Variants in ABR observed in about 807,000 individuals in gnomAD.
ABR encodes active breakpoint cluster region-related protein.
ABR carries 35 observed loss-of-function variants against 107.2 expected under a neutral mutation model. The ratio of observed to expected loss-of-function variants is 0.33; its 90% CI spans 0.25 to 0.43. The LOEUF is 0.43. Among genes scored for constraint, ABR ranks in the 20% least tolerant of loss-of-function variants. The pLI is 1.00. For synonymous variants in ABR, 498 were observed against 462.0 expected, an observed-to-expected ratio of 1.08 and a Z score of -1.00; for missense variants, 815 against 1,115.2, an observed-to-expected ratio of 0.73 and a Z score of 3.83.
rs1307394986 is a variant in ABR at position 1,154,732 on chromosome 17, TCCGGCGCCTA to T, written c.61+24925_61+24934del. The stretch of plus-strand genomic sequence containing the variant: ...CTTGGCAATGCCGTGTCCTCAGGGC[TCCGGCGCCTA>T]CCCATGGATGTAGTGCTCGCCCTCC... On this transcript the variant is annotated intron_variant, in intron 1 of 22. Coordinates refer to ENST00000302538, the MANE Select transcript of ABR (RefSeq NM_021962.5). The surrounding 1 kb of genome is among the most constrained non-coding windows in gnomAD (Gnocchi z 4.0). 2 of 150,272 alleles carry T rather than the reference TCCGGCGCCTA, an allele frequency of 1.3e-5. No homozygotes were observed. Among genetic ancestry groups the T allele is most frequent in the African/African-American group, 4.9e-5 (2 of 40,876 alleles). The allele number at this position is 150,272 out of a possible 1,614,324, so 9.3% of individuals were successfully genotyped here.
chr17:1,055,951 G>T, intron 14 of ABR, 84 bp downstream of exon 14: 1 of 1,319,526 alleles, frequency 7.6e-7, no homozygotes, highest in Non-Finnish European at 1.1e-6. Flanking sequence ...ATGTCTAAAG[G>T]CGTGCTGGCA....
At chr17:1,008,978 G>GC (rs1372535218) in intron 21 of ABR, among the ~76,000 whole-genome samples, 1 of 152,184 alleles carries the variant, frequency 6.6e-6, no homozygotes, top group Non-Finnish European at 1.5e-5. Flanking sequence ...ACTAACCCAA[G>GC]CAAGTCTCCG....
chr17:1,040,992 C>A (rs2030332486), intron 16 of ABR, among the ~76,000 whole-genome samples: 1 of 152,200 alleles, frequency 6.6e-6, no homozygotes, highest in Non-Finnish European at 1.5e-5. Context: ...CGGCTCACCG[C>A]AACCTCCACC....
At chr17:1,096,439 G>C (rs1056104154) in intron 3 of ABR, among the ~76,000 whole-genome samples, 1 of 152,224 alleles carries the variant, frequency 6.6e-6, no homozygotes, top group Admixed American at 6.5e-5. Flanking sequence ...AGAAGGTTTA[G>C]CTTCCTCCTA....
intron 2 of ABR, among the ~76,000 whole-genome samples, chr17:1,101,734 C>CTTTTT (rs796580737): frequency 4.3e-5 from 6 of 140,848 alleles, no homozygotes; most frequent in African/African-American, 1.6e-4. Context: ...TTTATTTTTT[C>CTTTTT]TTTTTTTTTT....
chr17:1,137,835 T>G (rs1329609391), intron 1 of ABR, among the ~76,000 whole-genome samples: 1 of 152,052 alleles, frequency 6.6e-6, no homozygotes, highest in Non-Finnish European at 1.5e-5. Flanking sequence ...GAGGTATGCC[T>G]GCACCGCAGG....
intron 4 of ABR, among the ~76,000 whole-genome samples, chr17:1,088,763 A>G (rs1405535856): frequency 6.6e-6 from 1 of 150,562 alleles, no homozygotes; most frequent in Non-Finnish European, 1.5e-5. Flanking sequence ...TAATTTTTGT[A>G]TTTTTAGTAG....
intron 2 of ABR, among the ~76,000 whole-genome samples, chr17:1,109,978 C>G (rs1033185345): frequency 8.1e-5 from 11 of 135,962 alleles, no homozygotes; most frequent in African/African-American, 3.0e-4. Context: ...CTGCAGAGAC[C>G]AGGACCCCCA....
chr17:1,085,022 A>C (rs2036500527), intron 4 of ABR, among the ~76,000 whole-genome samples: 1 of 150,988 alleles, frequency 6.6e-6, no homozygotes, highest in Non-Finnish European at 1.5e-5. Context: ...GGCTGGTCTC[A>C]AACTCCCAAC....
At chr17:1,105,462 C>T (rs199534958) in intron 2 of ABR, among the ~76,000 whole-genome samples, 2 of 151,950 alleles carry the variant, frequency 1.3e-5, no homozygotes, top group Non-Finnish European at 2.9e-5. Context: ...CAAATCACCA[C>T]GTGGGGCCCG....
At position 1,018,143 on chromosome 17, in the gene ABR, C is replaced by T. The variant is rs371632312; in HGVS notation, c.1792-4979G>A. ...CTGCAAGCTCCGCCTCCCGGGTTCA[C>T]GCCATTCTCCTGCCTCAGCCTCCTG... On this transcript the variant is annotated intron_variant, in intron 16 of 22. Coordinates refer to ENST00000302538, the MANE Select transcript of ABR (RefSeq NM_021962.5). Among the ~76,000 whole-genome samples, 46 of 152,072 alleles carry T rather than the reference C, an allele frequency of 3.0e-4. No individual in the cohort carries two copies. In the South Asian group the frequency reaches 7.1e-3, roughly 23 times the overall value.
intron 2 of ABR, among the ~76,000 whole-genome samples, chr17:1,114,372 A>G (rs2038884275): frequency 6.6e-6 from 1 of 151,542 alleles, no homozygotes; most frequent in African/African-American, 2.4e-5. Context: ...CTGGAGGATG[A>G]GGCACAAGAA....
At chr17:1,144,794 C>T (rs909548663) in intron 1 of ABR, among the ~76,000 whole-genome samples, 1 of 150,852 alleles carries the variant, frequency 6.6e-6, no homozygotes, top group Non-Finnish European at 1.5e-5. Context: ...TTTGGGAGGC[C>T]GGGGCGGGCA....
At chr17:1,064,085 A>C (rs374959979) in intron 10 of ABR, among the ~76,000 whole-genome samples, 4,294 of 47,408 alleles carry the variant, frequency 0.091, no homozygotes, top group Middle Eastern at 0.18. Flanking sequence ...ACGTGAACTG[A>C]GGGCTATACA....
chr17:1,211,047 AG>A (rs1416727126), intron 1 of ABR, among the ~76,000 whole-genome samples: 3 of 152,196 alleles, frequency 2.0e-5, no homozygotes, highest in Non-Finnish European at 4.4e-5. Context: ...TGGGAGGCCA[AG>A]GCGGACGGAT....
In ABR at chr17:1,070,711, G is replaced by A. The variant is rs1047439430; in HGVS notation, c.895-621C>T. On this transcript the variant is annotated intron_variant, in intron 8 of 22. Coordinates refer to ENST00000302538, the MANE Select transcript of ABR (RefSeq NM_021962.5). This position sits in a 1 kb window ranked among gnomAD's most constrained non-coding sequence, Gnocchi z 4.2. ...GGACCTGCAGCCAACTCTAACCTGG[G>A]CTCTGGGTGGTTTCTGCTCCACGTG... Among the ~76,000 whole-genome samples the A allele has an allele frequency of 6.6e-6, 1 of 152,122 alleles. No homozygotes were observed. The highest frequency in any genetic ancestry group is 1.5e-5 in the Non-Finnish European group (1 of 68,024).
chr17:1,037,018 T>TCCAC lies in ABR; in HGVS notation c.1791+13031_1791+13032insGTGG, dbSNP rs1331375186. Among the ~76,000 whole-genome samples, 211 of 145,944 alleles carry TCCAC rather than the reference T, an allele frequency of 1.4e-3. No individual in the cohort carries two copies. The highest frequency in any genetic ancestry group is 2.3e-3 in the Non-Finnish European group (156 of 67,632). On this transcript the variant is annotated intron_variant, in intron 16 of 22. Coordinates refer to ENST00000302538, the MANE Select transcript of ABR (RefSeq NM_021962.5). The surrounding 1 kb of genome is among the most constrained non-coding windows in gnomAD (Gnocchi z 4.6). The stretch of plus-strand genomic sequence containing the variant: ...TTCCATCCTTCCTTCCTTCCATCCT[T>TCCAC]CCTTCCTTCCATCCATCCACCCATC...
chr17:1,138,567 TCCTGGGCTCAGATGATCCC>T (rs2040171357), intron 1 of ABR, among the ~76,000 whole-genome samples: 1 of 152,124 alleles, frequency 6.6e-6, no homozygotes, highest in Non-Finnish European at 1.5e-5. Context: ...AGCCTCAAAC[TCCTGGGCTCAGATGATCCC>T]CCTGCCTCAG....
At chr17:1,020,504 G>A (rs968488066) in intron 16 of ABR, among the ~76,000 whole-genome samples, 4 of 152,216 alleles carry the variant, frequency 2.6e-5, no homozygotes, top group Non-Finnish European at 5.9e-5. Context: ...GGTCCCCTGC[G>A]GCGAAAACCC....
Sources: allele counts gnomAD v4.1 joint callset (sites outside exome capture counted in the v4.1 genomes callset), GRCh38; gene constraint gnomAD v4.1.1; non-coding constraint Gnocchi (gnomAD v3.1); transcripts MANE v1.5; gene names NCBI Gene and HGNC (gene_info 2026-07-23, HGNC 2026-07-21).